CCNJL: variants seen among roughly 807,000 people sequenced by gnomAD.
CCNJL encodes the protein cyclin-J-like protein.
Under a neutral mutation model 33.4 loss-of-function variants are expected in CCNJL, and 33 were observed. The ratio of observed to expected loss-of-function variants is 0.99; its 90% CI spans 0.75 to 1.32. The LOEUF is 1.32. CCNJL is among the 40% of genes most tolerant of loss of function. The pLI, the probability that CCNJL is intolerant of heterozygous loss-of-function variation, is 0.00. For synonymous variants in CCNJL, 227 were observed against 220.9 expected, an observed-to-expected ratio of 1.03 and a Z score of -0.24; for missense variants, 512 against 499.7, an observed-to-expected ratio of 1.02 and a Z score of -0.23.
rs1266627914 is a variant in CCNJL, at chr5:160,249,492, G to C, written c.*3886C>G. ...TTCAAAACAAGCTGGACCAGGCGTA[G>C]TGGCTTATACCTGTAATCTCAGCAC... is the stretch of plus-strand genomic sequence containing the variant. On this transcript the variant is annotated 3_prime_UTR_variant, in exon 6 of 6. Coordinates refer to ENST00000257536, the MANE Select transcript of CCNJL (RefSeq NM_001308173.3). The C allele has an allele frequency of 6.6e-6, 1 of 152,202 alleles. No individual in the cohort carries two copies. Among genetic ancestry groups the C allele is most frequent in the Non-Finnish European group, 1.5e-5 (1 of 68,038 alleles). The allele number at this position is 152,202 out of a possible 1,614,324, so 9.4% of individuals were successfully genotyped here.
At chr5:160,320,373 A>T (rs1420926681) in intron 1 of CCNJL, among the ~76,000 whole-genome samples, 1 of 152,302 alleles carries the variant, frequency 6.6e-6, no homozygotes. Context: ...TCGATCCCAG[A>T]GGACACAATC....
intron 3 of CCNJL, among the ~76,000 whole-genome samples, chr5:160,262,336 C>T (rs376863701): frequency 2.6e-5 from 4 of 152,204 alleles, no homozygotes; most frequent in African/African-American, 9.7e-5. Flanking sequence ...CTACCAGGCC[C>T]AAGAGGATTA....
chr5:160,269,484 G>T lies in CCNJL; in HGVS notation c.281-9713C>A, dbSNP rs1431578157. 1.5e-5 allele frequency: 7 copies of T among 456,414 alleles called. No homozygotes were observed. In the Admixed American group the frequency reaches 1.6e-4, roughly 11 times the overall value. The allele number at this position is 456,414 out of a possible 1,614,324, so 28.3% of individuals were successfully genotyped here. A position where few individuals can be genotyped will look rare whatever the true frequency, so the allele number is the denominator to read the frequency against. On this transcript the variant is annotated intron_variant, in intron 3 of 5. Coordinates refer to ENST00000257536, the MANE Select transcript of CCNJL (RefSeq NM_001308173.3). ...TCACCAGGGGCTGCCTCTGGCCCAGGTCTGACGGCACTGCTGCGCTGAACG... is the reference window on the plus strand; with the variant it reads ...TCACCAGGGGCTGCCTCTGGCCCAGTTCTGACGGCACTGCTGCGCTGAACG...
chr5:160,285,420 G>GA (rs1462350429), intron 2 of CCNJL, among the ~76,000 whole-genome samples: 3 of 139,950 alleles, frequency 2.1e-5, no homozygotes, highest in African/African-American at 7.7e-5. Flanking sequence ...ACTAATTGCT[G>GA]AAAGACAGAA....
At chr5:160,297,484 C>A (rs1762783241) in intron 2 of CCNJL, among the ~76,000 whole-genome samples, 1 of 151,916 alleles carries the variant, frequency 6.6e-6, no homozygotes, top group Non-Finnish European at 1.5e-5. Context: ...AGTGATCTGA[C>A]AAAAATTCCC....
intron 2 of CCNJL, among the ~76,000 whole-genome samples, chr5:160,299,269 C>A (rs2113417931): frequency 6.6e-6 from 1 of 152,260 alleles, no homozygotes; most frequent in East Asian, 1.9e-4. Flanking sequence ...CCTGCCTCAG[C>A]CTCCCGAGTA....
intron 1 of CCNJL, among the ~76,000 whole-genome samples, chr5:160,337,339 TCTC>T (rs921622250): frequency 4.1e-4 from 62 of 152,062 alleles, no homozygotes; most frequent in African/African-American, 1.4e-3. Flanking sequence ...ATTAAACTAA[TCTC>T]CTGTCTCCCT....
chr5:160,258,064 T>C (rs1284185311), intron 4 of CCNJL, among the ~76,000 whole-genome samples: 1 of 152,042 alleles, frequency 6.6e-6, no homozygotes, highest in African/African-American at 2.4e-5. Context: ...CAGGCTGGTC[T>C]TGAACTCCTG....
At chr5:160,282,972 T>TATATATAC (rs1762267497) in intron 2 of CCNJL, among the ~76,000 whole-genome samples, 2 of 44,220 alleles carry the variant, frequency 4.5e-5, no homozygotes, top group Non-Finnish European at 7.2e-5. Context: ...TTGGAATATA[T>TATATATAC]ATATATATAT....
chr5:160,322,050 G>C, intron 1 of CCNJL, among the ~76,000 whole-genome samples: 1 of 152,114 alleles, frequency 6.6e-6, no homozygotes. Flanking sequence ...TTGGGCAGGG[G>C]GAAGAGGTGA....
At chr5:160,282,403 A>G (rs1470129285) in intron 2 of CCNJL, among the ~76,000 whole-genome samples, 2 of 152,244 alleles carry the variant, frequency 1.3e-5, no homozygotes, top group Non-Finnish European at 2.9e-5. Flanking sequence ...AGATTAGGCA[A>G]TGGTTTCTTA....
intron 3 of CCNJL, chr5:160,261,382 C>G (rs765251209): frequency 6.6e-6 from 1 of 152,266 alleles, no homozygotes; most frequent in Non-Finnish European, 1.5e-5. Context: ...AGAGGCACTA[C>G]CAGCCCCGCA....
intron 3 of CCNJL, among the ~76,000 whole-genome samples, chr5:160,274,467 A>C (rs749237905): frequency 1.5e-4 from 23 of 152,274 alleles, no homozygotes; most frequent in Admixed American, 8.5e-4. Context: ...TCAAAAAAAA[A>C]AACAATCTGT....
At chr5:160,330,935 G>A (rs1045728562) in intron 1 of CCNJL, among the ~76,000 whole-genome samples, 7 of 152,040 alleles carry the variant, frequency 4.6e-5, no homozygotes, top group Non-Finnish European at 8.8e-5. Flanking sequence ...TTATAGGCGT[G>A]AGCCACTGTG....
chr5:160,276,475 G>T (rs1762018037), intron 3 of CCNJL: 1 of 151,702 alleles, frequency 6.6e-6, no homozygotes, highest in Non-Finnish European at 1.5e-5. Context: ...GTTGCAACAT[G>T]GATGATCCTT....
chr5:160,335,572 T>G (rs2113485260), intron 1 of CCNJL, among the ~76,000 whole-genome samples: 1 of 152,134 alleles, frequency 6.6e-6, no homozygotes, highest in South Asian at 2.1e-4. Context: ...TCCTTCGTCT[T>G]TCTTTCTTTC....
At chr5:160,302,200 G>C (rs898412920) in intron 2 of CCNJL, among the ~76,000 whole-genome samples, 1 of 152,194 alleles carries the variant, frequency 6.6e-6, no homozygotes, top group African/African-American at 2.4e-5. Flanking sequence ...AATGAGATGA[G>C]TTAGTGAAAT....
At chr5:160,321,683 T>C (rs771903082) in intron 1 of CCNJL, among the ~76,000 whole-genome samples, 1 of 152,162 alleles carries the variant, frequency 6.6e-6, no homozygotes, top group African/African-American at 2.4e-5. Context: ...GGCTCACGCC[T>C]GTAATCCCAG....
At chr5:160,258,912 G>T (rs934499486) in intron 4 of CCNJL, among the ~76,000 whole-genome samples, 1 of 152,132 alleles carries the variant, frequency 6.6e-6, no homozygotes, top group Non-Finnish European at 1.5e-5. Context: ...GGCCAGGATG[G>T]TCCCGATCTC....
Sources: gnomAD v4.1 joint callset for allele counts (sites outside exome capture counted in the v4.1 genomes callset) on GRCh38, gnomAD v4.1.1 for gene constraint, MANE v1.5 for transcripts, NCBI Gene and HGNC (gene_info 2026-07-23, HGNC 2026-07-21) for gene names.